The following DDB2 variants were observed in gnomAD, a reference collection of about 807,000 sequenced individuals.
The protein encoded by DDB2 is DNA damage-binding protein 2.
A neutral mutation model predicts 50.5 loss-of-function variants in DDB2; 27 were observed. That is an observed-to-expected ratio of 0.53 (90% CI 0.39 to 0.74). DDB2 has a LOEUF of 0.74. Among genes scored for constraint, DDB2 ranks in the 30% least tolerant of loss-of-function variants. The pLI, the probability that DDB2 is intolerant of heterozygous loss-of-function variation, is 0.00. For missense variants in DDB2, 424 were observed against 545.6 expected (o/e 0.78, Z 2.22); for synonymous variants, 176 against 205.5 (o/e 0.86, Z 1.23).
At chr11:47,231,677 C>T (rs974927601) in intron 3 of DDB2, among the ~76,000 whole-genome samples, 1 of 152,038 alleles carries the variant, frequency 6.6e-6, no homozygotes, top group Non-Finnish European at 1.5e-5. Flanking sequence ...CACCTACCAC[C>T]ATGTCTAAAT....
At chr11:47,226,438 T>C (rs1462763430) in intron 3 of DDB2, among the ~76,000 whole-genome samples, 1 of 152,046 alleles carries the variant, frequency 6.6e-6, no homozygotes, top group Non-Finnish European at 1.5e-5. Flanking sequence ...CATGCCCGGC[T>C]AATTTTTGTA....
intron 3 of DDB2, among the ~76,000 whole-genome samples, chr11:47,224,730 A>AATCCCTCC (rs1240583431): frequency 1.3e-5 from 2 of 151,262 alleles, no homozygotes; most frequent in African/African-American, 4.9e-5. Context: ...TTCTGCTGTC[A>AATCCCTCC]ATCCCTCCCT....
intron 3 of DDB2, among the ~76,000 whole-genome samples, chr11:47,228,783 T>C (rs556908818): frequency 1.2e-4 from 18 of 151,430 alleles, no homozygotes; most frequent in African/African-American, 3.4e-4. Flanking sequence ...ATGATGAAAC[T>C]CCATCTCTCC....
In DDB2 at chr11:47,238,061, AC is replaced by A. The variant is rs1156825160; in HGVS notation, c.1188+62del. ...AGCAGGGATTCAACCTACCTTATTG[AC>A]CAAAAGTGACCAGAAATCAGGTGTC... On this transcript the variant is annotated intron_variant, in intron 8 of 9. Transcript: ENST00000256996. 236 of 1,612,634 alleles carry A rather than the reference AC, an allele frequency of 1.5e-4. 2 individuals are homozygous for A. The East Asian group carries it at 4.8e-3, about 33-fold the overall frequency.
In DDB2 at chr11:47,235,292, C is replaced by CG. The variant is rs1565156746; in HGVS notation, c.903_904insG (p.Arg302AlafsTer59). The CG allele has an allele frequency of 6.2e-7, 1 of 1,614,210 alleles. No individual in the cohort carries two copies. Among genetic ancestry groups the CG allele is most frequent in the Non-Finnish European group, 8.5e-7 (1 of 1,180,044 alleles). On this transcript the variant is annotated frameshift_variant, in exon 7 of 10. Coordinates refer to ENST00000256996, the MANE Select transcript of DDB2 (RefSeq NM_000107.3). LOFTEE classifies it high-confidence loss of function. ...CAGCTTGTTTCAGTCCCGATGGAGC[C>CG]CGGCTCCTGACCACGGACCAGAAGA...
chr11:47,218,742 GAA>G (rs74261105), intron 3 of DDB2, among the ~76,000 whole-genome samples: 8 of 132,572 alleles, frequency 6.0e-5, no homozygotes, highest in Admixed American at 7.6e-5. Flanking sequence ...AGCCAGAGTG[GAA>G]AAAAAAAAAA....
intron 7 of DDB2, 185 bp downstream of exon 7, chr11:47,235,597 T>C (rs1953715245): frequency 1.6e-6 from 1 of 641,166 alleles, no homozygotes; most frequent in Non-Finnish European, 2.7e-6. Context: ...TGCCATCCCA[T>C]ATGGTTGAGT....
At chr11:47,228,956 C>CA (rs58216148) in intron 3 of DDB2, among the ~76,000 whole-genome samples, 19,136 of 94,204 alleles carry the variant, frequency 0.2, 5,010 homozygotes, top group East Asian at 0.74. Flanking sequence ...GACTCCATCT[C>CA]AAAAAAAAAA....
chr11:47,235,551 A>G, intron 7 of DDB2, 139 bp downstream of exon 7: 1 of 831,154 alleles, frequency 1.2e-6, no homozygotes, highest in South Asian at 1.5e-5. Flanking sequence ...AGCATCTCTT[A>G]CCCATTGGCT....
At chr11:47,235,097 G>A in intron 6 of DDB2, 163 bp downstream of exon 6, 1 of 1,268,288 alleles carries the variant, frequency 7.9e-7, no homozygotes. Context: ...CCCATCAGCT[G>A]CTGAGTTTCC....
intron 3 of DDB2, among the ~76,000 whole-genome samples, chr11:47,228,009 G>A (rs989742040): frequency 2.0e-5 from 3 of 151,606 alleles, no homozygotes; most frequent in Middle Eastern, 3.2e-3. Context: ...GCGTGGTGGC[G>A]CACTCCTGTC....
intron 3 of DDB2, among the ~76,000 whole-genome samples, chr11:47,231,760 T>TC (rs1331000530): frequency 6.6e-6 from 1 of 151,224 alleles, no homozygotes; most frequent in Non-Finnish European, 1.5e-5. Context: ...CCTCAAGCAA[T>TC]CCCCCCGCCT....
At position 47,232,813 on chromosome 11, in the gene DDB2, G is replaced by C; in HGVS notation, c.457-1G>C. 1.2e-6 allele frequency: 2 copies of C among 1,613,540 alleles called. No individual in the cohort carries two copies. Among genetic ancestry groups the C allele is most frequent in the Non-Finnish European group, 1.7e-6 (2 of 1,180,010 alleles). On this transcript the variant is annotated splice_acceptor_variant, in intron 3 of 9. Transcript: ENST00000256996. LOFTEE classifies it high-confidence loss of function. Reference sequence around the variant, plus strand: ...ACTGGCTTTTTCCTTCCTCGTGTTAGATTGGAGCTGGAGGGAGCATCACTG... The same window carrying C: ...ACTGGCTTTTTCCTTCCTCGTGTTACATTGGAGCTGGAGGGAGCATCACTG...
At position 47,215,025 on chromosome 11, in the gene DDB2, A is replaced by T; in HGVS notation, c.-112A>T. 1 of 1,529,876 alleles carries T rather than the reference A, an allele frequency of 6.5e-7. No homozygotes were observed. Among genetic ancestry groups the T allele is most frequent in the Non-Finnish European group, 9.0e-7 (1 of 1,108,062 alleles). The allele number at this position is 1,529,876 out of a possible 1,614,324, so 94.8% of individuals were successfully genotyped here. On this transcript the variant is annotated 5_prime_UTR_variant, in exon 1 of 10. Transcript: ENST00000256996. Reference sequence around the variant, plus strand: ...GGCGGGAAGTTGGCTTAGCTCGGCTACCTGTGGCCCCGCAGTTTTGTAGTC... The same window carrying T: ...GGCGGGAAGTTGGCTTAGCTCGGCTTCCTGTGGCCCCGCAGTTTTGTAGTC...
intron 3 of DDB2, among the ~76,000 whole-genome samples, chr11:47,226,278 CTTTT>C (rs759607243): frequency 2.2e-5 from 3 of 139,288 alleles, no homozygotes; most frequent in Admixed American, 7.4e-5. Context: ...CATTTATTTT[CTTTT>C]TTTTTTTTTT....
At chr11:47,236,348 C>A (rs1207260919) in intron 7 of DDB2, among the ~76,000 whole-genome samples, 1 of 152,152 alleles carries the variant, frequency 6.6e-6, no homozygotes. Context: ...CATTAGTCCC[C>A]AACACTAATA....
At chr11:47,229,598 A>G (rs1241112371) in intron 3 of DDB2, among the ~76,000 whole-genome samples, 1 of 152,158 alleles carries the variant, frequency 6.6e-6, no homozygotes, top group Non-Finnish European at 1.5e-5. Flanking sequence ...TGGGAACCAC[A>G]TTTTTCACTG....
In DDB2 at chr11:47,238,961, G is replaced by T. The variant is rs945908414; in HGVS notation, c.*112G>T. On this transcript the variant is annotated 3_prime_UTR_variant, in exon 10 of 10. Transcript: ENST00000256996. ...AAGGGCCAAAAGTATCCAAGGTTAG[G>T]GTTGGAGCAGGGGTGCTGGGACCTG... The T allele has an allele frequency of 8.7e-5, 100 of 1,155,852 alleles. No homozygotes were observed. Among genetic ancestry groups the T allele is most frequent in the Non-Finnish European group, 1.0e-4 (81 of 792,950 alleles). The allele number at this position is 1,155,852 out of a possible 1,614,324, so 71.6% of individuals were successfully genotyped here. A position where few individuals can be genotyped will look rare whatever the true frequency, so the allele number is the denominator to read the frequency against.
intron 3 of DDB2, among the ~76,000 whole-genome samples, chr11:47,222,114 G>C (rs1685404): frequency 0.3 from 45,362 of 152,020 alleles, 6,822 homozygotes; most frequent in Admixed American, 0.36. Context: ...TATTTGGAGA[G>C]TGATAGATAG....
Sources: allele counts gnomAD v4.1 joint callset (sites outside exome capture counted in the v4.1 genomes callset), GRCh38; gene constraint gnomAD v4.1.1; transcripts MANE v1.5; gene names NCBI Gene and HGNC (gene_info 2026-07-23, HGNC 2026-07-21).